VWF: variants seen among roughly 807,000 people sequenced by gnomAD.
The protein encoded by VWF is Factor VIII related antigen.
In VWF, 176 loss-of-function variants were observed where a neutral mutation model predicts 308.6. The ratio of observed to expected loss-of-function variants is 0.57; its 90% CI spans 0.50 to 0.65. VWF has a LOEUF of 0.65. Among genes scored for constraint, VWF ranks in the 30% least tolerant of loss-of-function variants. VWF has a pLI of 0.00. For synonymous variants in VWF, 1,385 were observed against 1,443.4 expected (o/e 0.96, Z 0.92); for missense variants, 3,146 against 3,648.2 (o/e 0.86, Z 3.55).
At chr12:5,980,422 C>T (rs963968010) in intron 42 of VWF, among the ~76,000 whole-genome samples, 2 of 152,168 alleles carry the variant, frequency 1.3e-5, no homozygotes, top group African/African-American at 4.8e-5. Context: ...TAGAGGAACA[C>T]ATTATGCAAT....
chr12:6,104,458 C>T (rs1191812208), intron 5 of VWF, among the ~76,000 whole-genome samples: 9 of 151,392 alleles, frequency 5.9e-5, no homozygotes, highest in Admixed American at 3.3e-4. Context: ...GAGGCTGAGG[C>T]GGGCGTATCA....
chr12:6,072,046 G>A (rs1261378475), intron 9 of VWF, among the ~76,000 whole-genome samples: 1 of 152,212 alleles, frequency 6.6e-6, no homozygotes. Flanking sequence ...GATCATTTAT[G>A]AAAGCATAGT....
At chr12:6,121,480 A>T in intron 2 of VWF, 142 bp from the exon 3 acceptor site, 1 of 1,039,836 alleles carries the variant, frequency 9.6e-7, no homozygotes. Flanking sequence ...CCTAAATGAG[A>T]CTAAAGCTGT....
At chr12:5,969,484 C>T in intron 44 of VWF, 93 bp from the exon 45 acceptor site, 1 of 1,499,608 alleles carries the variant, frequency 6.7e-7, no homozygotes, top group Non-Finnish European at 9.2e-7. Context: ...AAGGTGGTTT[C>T]TAGACGTGAA....
chr12:6,122,896 A>G (rs1233009105), intron 2 of VWF: 2 of 747,474 alleles, frequency 2.7e-6, no homozygotes, highest in South Asian at 1.4e-5. Flanking sequence ...CCCATAATAT[A>G]GGACAGTTCT....
intron 38 of VWF, among the ~76,000 whole-genome samples, chr12:5,991,266 T>G (rs2136382389): frequency 6.6e-6 from 1 of 152,052 alleles, no homozygotes; most frequent in East Asian, 1.9e-4. Context: ...CTCTTAAATA[T>G]CTGCAAGGTA....
chr12:6,112,223 T>C (rs954609399), intron 3 of VWF, among the ~76,000 whole-genome samples: 5 of 152,060 alleles, frequency 3.3e-5, no homozygotes, highest in African/African-American at 1.2e-4. Flanking sequence ...AATGGTGTGG[T>C]TGTGAGGGCT....
At chr12:5,964,290 A>ACATGCATACATACATACATACATACATG (rs1943371495) in intron 47 of VWF, among the ~76,000 whole-genome samples, 1 of 151,586 alleles carries the variant, frequency 6.6e-6, no homozygotes, top group Admixed American at 6.6e-5. Flanking sequence ...ATACATGCAT[A>ACATGCATACATACATACATACATACATG]CATACATACA....
intron 16 of VWF, among the ~76,000 whole-genome samples, chr12:6,047,802 A>C (rs763621982): frequency 2.0e-5 from 3 of 152,224 alleles, no homozygotes; most frequent in Non-Finnish European, 4.4e-5. Flanking sequence ...TCTGTTGCAC[A>C]ATACACCTTT....
rs148297529 is a variant in VWF at position 6,104,554 on chromosome 12, G to A, written c.532+5820C>T. 4.1e-3 allele frequency among the ~76,000 whole-genome samples: 620 copies of A among 151,952 alleles called. 2 individuals carry two copies. Among genetic ancestry groups the A allele is most frequent in the African/African-American group, 0.014 (584 of 41,470 alleles). On this transcript the variant is annotated intron_variant, in intron 5 of 51. Coordinates refer to ENST00000261405, the MANE Select transcript of VWF (RefSeq NM_000552.5). ...AATACAAAAGAAAAAAAAATGAGCC[G>A]GACGTGGTGACATGCGCCTGTAGTC...
In VWF at chr12:6,092,620, T is replaced by TGAGAGAGAGAGAGAGA. The variant is rs1250915385; in HGVS notation, c.657+2839_657+2840insTCTCTCTCTCTCTCTC. 3.1e-4 allele frequency among the ~76,000 whole-genome samples: 28 copies of TGAGAGAGAGAGAGAGA among 89,690 alleles called. 1 individual carries two copies. The highest frequency in any genetic ancestry group is 1.3e-3 in the African/African-American group (21 of 16,790). 58.8% of individuals were successfully genotyped at this position (89,690 alleles called of 152,430 possible). On this transcript the variant is annotated intron_variant, in intron 6 of 51. Coordinates refer to ENST00000261405, the MANE Select transcript of VWF (RefSeq NM_000552.5). ...CAGCTAGTTAGTGAGTGAGTGAGAG[T>TGAGAGAGAGAGAGAGA]GTGTGTGTGTGTGTGTGTGTGTGTG...
chr12:6,068,072 T>C (rs1367328011), intron 10 of VWF, among the ~76,000 whole-genome samples: 2 of 149,972 alleles, frequency 1.3e-5, no homozygotes, highest in Non-Finnish European at 3.0e-5. Context: ...GAGGCAGAGG[T>C]TGCAGTGAGC....
At chr12:6,097,225 A>G (rs565093330) in intron 5 of VWF, among the ~76,000 whole-genome samples, 42 of 152,260 alleles carry the variant, frequency 2.8e-4, no homozygotes, top group Middle Eastern at 3.4e-3. Context: ...TCACGAGGTC[A>G]GGAGATCAAG....
intron 47 of VWF, among the ~76,000 whole-genome samples, chr12:5,959,794 G>A (rs964948297): frequency 6.6e-5 from 10 of 151,210 alleles, no homozygotes; most frequent in Non-Finnish European, 1.2e-4. Context: ...TTTAACTAGC[G>A]GTAATAAAAA....
intron 47 of VWF, among the ~76,000 whole-genome samples, chr12:5,961,162 T>G (rs1943310297): frequency 6.6e-6 from 1 of 152,170 alleles, no homozygotes; most frequent in South Asian, 2.1e-4. Flanking sequence ...GAAAACAAGC[T>G]CAGGGCTCCC....
intron 34 of VWF, among the ~76,000 whole-genome samples, chr12:6,005,788 A>T (rs1414011103): frequency 6.6e-6 from 1 of 152,194 alleles, no homozygotes; most frequent in Non-Finnish European, 1.5e-5. Flanking sequence ...AATAGAGGGG[A>T]AATAAAGACT....
At chr12:6,026,375 C>T (rs947497858) in intron 22 of VWF, among the ~76,000 whole-genome samples, 8 of 152,104 alleles carry the variant, frequency 5.3e-5, no homozygotes, top group African/African-American at 1.4e-4. Flanking sequence ...CTATCACTGT[C>T]CCCAACAAGC....
intron 34 of VWF, among the ~76,000 whole-genome samples, chr12:5,997,073 C>T (rs1012247563): frequency 6.6e-6 from 1 of 152,158 alleles, no homozygotes; most frequent in African/African-American, 2.4e-5. Flanking sequence ...GCCCCACTAA[C>T]ATCCCTCACT....
At chr12:5,974,238 A>G (rs755829170) in intron 43 of VWF, among the ~76,000 whole-genome samples, 18 of 152,148 alleles carry the variant, frequency 1.2e-4, no homozygotes, top group Non-Finnish European at 1.9e-4. Context: ...ACCTCACTCA[A>G]CACAGTACAG....
Sources: gnomAD v4.1 joint callset for allele counts (sites outside exome capture counted in the v4.1 genomes callset) on GRCh38, gnomAD v4.1.1 for gene constraint, MANE v1.5 for transcripts, NCBI Gene and HGNC (gene_info 2026-07-23, HGNC 2026-07-21) for gene names.